Variants in ANKAR observed in about 807,000 individuals in gnomAD.
The protein encoded by ANKAR is ankyrin and armadillo repeat containing.
Under a neutral mutation model 146.2 loss-of-function variants are expected in ANKAR, and 136 were observed. The ratio of observed to expected loss-of-function variants is 0.93; its 90% CI spans 0.81 to 1.07. The LOEUF (loss-of-function observed/expected upper bound fraction) is 1.07, where lower values mean the gene tolerates loss of function less well. Ranked by LOEUF, ANKAR falls within the 50% of genes least tolerant of loss-of-function variation. ANKAR has a pLI of 0.00. For synonymous variants in ANKAR, 500 were observed against 575.8 expected, an observed-to-expected ratio of 0.87 and a Z score of 1.88; for missense variants, 1,567 against 1,679.9, an observed-to-expected ratio of 0.93 and a Z score of 1.18.
At chr2:189,723,352 G>C (rs530874583) in intron 12 of ANKAR, among the ~76,000 whole-genome samples, 1 of 152,202 alleles carries the variant, frequency 6.6e-6, no homozygotes, top group South Asian at 2.1e-4. Flanking sequence ...ATATATTCAT[G>C]TATGCATGCT....
At chr2:189,685,005 T>G (rs1240465456) in intron 2 of ANKAR, among the ~76,000 whole-genome samples, 1 of 152,010 alleles carries the variant, frequency 6.6e-6, no homozygotes, top group Non-Finnish European at 1.5e-5. Context: ...CACTTTGTTT[T>G]CTGAATTTTT....
intron 2 of ANKAR, among the ~76,000 whole-genome samples, chr2:189,682,805 C>T (rs2034938725): frequency 6.6e-6 from 1 of 152,174 alleles, no homozygotes; most frequent in African/African-American, 2.4e-5. Context: ...CAAGAATGTG[C>T]TGTCGAGCTT....
In ANKAR at chr2:189,736,505, TG is replaced by T. The variant is rs1559139184; in HGVS notation, c.3424-1177del. On this transcript the variant is annotated intron_variant, in intron 17 of 22. Transcript: ENST00000684021. ...TGCCTATTTAGGTGACTGGGTTTTG[TG>T]TGTGTGTGTGTGTGTGTGTGTGTGT... 2.8e-4 allele frequency among the ~76,000 whole-genome samples: 39 copies of T among 138,416 alleles called. 3 individuals are homozygous for T. The highest frequency in any genetic ancestry group is 8.1e-4 in the African/African-American group (31 of 38,248). The allele number at this position is 138,416 out of a possible 152,430, so 90.8% of individuals were successfully genotyped here.
intron 18 of ANKAR, chr2:189,754,932 T>G (rs994277945): frequency 2.0e-5 from 10 of 489,584 alleles, no homozygotes; most frequent in Non-Finnish European, 7.0e-6. Context: ...CATAACTGTA[T>G]CTGCAAACTA....
At chr2:189,750,599 T>C, downstream of ANKAR, 1 of 1,586,822 alleles carries the variant, frequency 6.3e-7, no homozygotes, top group Non-Finnish European at 8.6e-7. Context: ...TTTTTAATTG[T>C]GGTACTTTTA....
chr2:189,677,897 A>G (rs1470412256), intron 2 of ANKAR, among the ~76,000 whole-genome samples: 2 of 152,310 alleles, frequency 1.3e-5, no homozygotes, highest in African/African-American at 4.8e-5. Flanking sequence ...TGCTATAAAC[A>G]TGCATGTGCA....
At chr2:189,701,302 A>T (rs529034943) in intron 7 of ANKAR, among the ~76,000 whole-genome samples, 1 of 151,966 alleles carries the variant, frequency 6.6e-6, no homozygotes, top group East Asian at 1.9e-4. Flanking sequence ...GCATGATCTT[A>T]GCTTACTCCA....
chr2:189,720,145 A>AAG (rs2041063823), intron 11 of ANKAR, among the ~76,000 whole-genome samples: 3 of 152,362 alleles, frequency 2.0e-5, no homozygotes, highest in African/African-American at 7.2e-5. Flanking sequence ...AGATAGCTAT[A>AAG]TTAACTGTCA....
chr2:189,752,975 G>A (rs776785740), intron 18 of ANKAR: 3 of 1,607,338 alleles, frequency 1.9e-6, no homozygotes, highest in South Asian at 2.2e-5. Context: ...ACCACCAGAT[G>A]CAACCTGAAG....
At chr2:189,762,590 C>T (rs2047275842), downstream of ANKAR, 1 of 985,484 alleles carries the variant, frequency 1.0e-6, no homozygotes, top group African/African-American at 1.7e-5. Flanking sequence ...CGCTGGTCTC[C>T]TGTCGGCTGT....
At chr2:189,721,340 C>G (rs2041210633) in intron 12 of ANKAR, among the ~76,000 whole-genome samples, 1 of 152,002 alleles carries the variant, frequency 6.6e-6, no homozygotes, top group African/African-American at 2.4e-5. Flanking sequence ...CTCTCAAAGG[C>G]ATATTCTTTA....
rs1329213884 is a variant in ANKAR at position 189,746,510 on chromosome 2, TTC to T, written c.4190_4191del (p.Ser1397PhefsTer?). On this transcript the variant is annotated frameshift_variant, in exon 23 of 23. Coordinates refer to ENST00000684021, the MANE Select transcript of ANKAR (RefSeq NM_001378068.1). LOFTEE classifies it high-confidence loss of function. The stretch of plus-strand genomic sequence containing the variant: ...AGACCAAGGATTCCCATAATATTTT[TTC>T]TTTTTCATCTACAATTACATCAGAT... ...KKTKDSHNIF[S>X]FSSTITSDIT... 7 of 1,613,902 alleles carry T rather than the reference TTC, an allele frequency of 4.3e-6. No homozygotes were observed. The highest frequency in any genetic ancestry group is 5.9e-6 in the Non-Finnish European group (7 of 1,179,960).
At chr2:189,713,980 C>G (rs2040062360) in intron 10 of ANKAR, among the ~76,000 whole-genome samples, 1 of 152,138 alleles carries the variant, frequency 6.6e-6, no homozygotes, top group African/African-American at 2.4e-5. Flanking sequence ...TCTGATAAAA[C>G]AGACTTTCAA....
In ANKAR at chr2:189,741,488, T is replaced by C. The variant is rs1225102; in HGVS notation, c.3810+37T>C. 2.0e-3 allele frequency: 2,996 copies of C among 1,482,136 alleles called. 63 individuals carry two copies. The African/African-American group carries it at 0.037, about 19-fold the overall frequency. 91.8% of individuals were successfully genotyped at this position (1,482,136 alleles called of 1,614,324 possible). On this transcript the variant is annotated intron_variant, in intron 20 of 22. Coordinates refer to ENST00000684021, the MANE Select transcript of ANKAR (RefSeq NM_001378068.1). Reference sequence around the variant, plus strand: ...CAAAAACTAATTCTAAAATTAAATATGCTAAAAATATAATTTACCTCTCCC... The same window carrying C: ...CAAAAACTAATTCTAAAATTAAATACGCTAAAAATATAATTTACCTCTCCC...
chr2:189,730,630 T>C, intron 16 of ANKAR, 29 bp downstream of exon 16: 1 of 1,201,264 alleles, frequency 8.3e-7, no homozygotes, highest in East Asian at 2.7e-5. Flanking sequence ...TTTTCTGATA[T>C]GGTAAAAATT....
intron 11 of ANKAR, among the ~76,000 whole-genome samples, chr2:189,720,187 T>C (rs886416789): frequency 6.6e-6 from 1 of 152,230 alleles, no homozygotes; most frequent in Non-Finnish European, 1.5e-5. Context: ...ACACATTTGT[T>C]TGTGGCACTC....
At chr2:189,715,637 A>C (rs1353185810) in intron 10 of ANKAR, among the ~76,000 whole-genome samples, 1 of 152,226 alleles carries the variant, frequency 6.6e-6, no homozygotes, top group Non-Finnish European at 1.5e-5. Context: ...ACAAAACAAA[A>C]AAGAGAATTT....
rs1273271083 is a variant in ANKAR at position 189,746,547 on chromosome 2, G to T, written c.4225G>T (p.Val1409Leu). The T allele has an allele frequency of 1.2e-6, 2 of 1,613,552 alleles. No homozygotes were observed. The highest frequency in any genetic ancestry group is 1.3e-5 in the African/African-American group (1 of 74,848). Residue 1409 changes from valine (V) to leucine (L), a missense_variant, in exon 23 of 23, where the codon GTA becomes TTA. Coordinates refer to ENST00000684021, the MANE Select transcript of ANKAR (RefSeq NM_001378068.1). ...SSTITSDITN[V>L]SRPRIVCLNQ... is the part of the protein sequence containing the mutation. Reference sequence around the variant, plus strand: ...TACAATTACATCAGATATCACAAATGTATCAAGACCAAGAATAGTGTGTTT... The same window carrying T: ...TACAATTACATCAGATATCACAAATTTATCAAGACCAAGAATAGTGTGTTT...
chr2:189,745,980 C>A (rs866821712), intron 22 of ANKAR, among the ~76,000 whole-genome samples: 83 of 152,244 alleles, frequency 5.5e-4, no homozygotes, highest in African/African-American at 1.8e-3. Context: ...GTTTATCAGT[C>A]ATGATCTGAT....
Sources: allele counts gnomAD v4.1 joint callset (sites outside exome capture counted in the v4.1 genomes callset), GRCh38; gene constraint gnomAD v4.1.1; transcripts MANE v1.5; gene names NCBI Gene and HGNC (gene_info 2026-07-23, HGNC 2026-07-21).